AMTN: variants seen among roughly 807,000 people sequenced by gnomAD.
AMTN encodes RSTI689.
In AMTN, 29 loss-of-function variants were observed where a neutral mutation model predicts 27.4. The ratio of observed to expected loss-of-function variants is 1.06; its 90% CI spans 0.79 to 1.44. The LOEUF (loss-of-function observed/expected upper bound fraction) is 1.44, where lower values mean the gene tolerates loss of function less well. Ranked by LOEUF, AMTN falls within the 40% of genes most tolerant of loss-of-function variation. The pLI, the probability that AMTN is intolerant of heterozygous loss-of-function variation, is 0.00. For synonymous variants in AMTN, 86 were observed against 95.7 expected (o/e 0.90, Z 0.59); for missense variants, 247 against 248.8 (o/e 0.99, Z 0.05).
At chr4:70,524,722 T>C in intron 4 of AMTN, 150 bp from the exon 5 acceptor site, 1 of 722,572 alleles carries the variant, frequency 1.4e-6, no homozygotes, top group Non-Finnish European at 2.4e-6. Flanking sequence ...ATTTCATCTT[T>C]GTGTCTAAGT....
intron 2 of AMTN, among the ~76,000 whole-genome samples, chr4:70,522,287 T>A (rs1051267480): frequency 6.6e-6 from 1 of 151,902 alleles, no homozygotes; most frequent in Non-Finnish European, 1.5e-5. Context: ...TAATAAAATA[T>A]CCAGGCCAGG....
rs891098622 is a variant in AMTN, at chr4:70,523,994, A to G, written c.204+61A>G. ...TGAAATAAATATAATGCCTAATATT[A>G]CAGTGGGGGGAGCATGTATATGGGT... On this transcript the variant is annotated intron_variant, in intron 4 of 8. Transcript: ENST00000339336. 1.7e-4 allele frequency: 234 copies of G among 1,394,898 alleles called. 2 individuals are homozygous for G. The South Asian group carries it at 2.2e-3, about 13-fold the overall frequency. 86.4% of individuals were successfully genotyped at this position (1,394,898 alleles called of 1,614,324 possible).
chr4:70,531,087 A>T lies in AMTN; in HGVS notation c.406A>T (p.Ile136Phe). The T allele has an allele frequency of 7.4e-6, 12 of 1,614,104 alleles. No individual in the cohort carries two copies. Among genetic ancestry groups the T allele is most frequent in the Non-Finnish European group, 1.0e-5 (12 of 1,179,998 alleles). The change falls in exon 8 of 9, where the codon ATC (isoleucine) becomes TTC (phenylalanine). Residue 136 changes from isoleucine to phenylalanine, a missense_variant. Physicochemically the swap from Ile to Phe is conservative, Grantham distance 21. Transcript: ENST00000339336. ...LIIHSLFPGG[I>F]LPTSQAGANP... ...CATCCATTCCTTGTTCCCGGGAGGCATCCTGCCCACCAGTCAGGCAGGGGC... is the reference window on the plus strand; with the variant it reads ...CATCCATTCCTTGTTCCCGGGAGGCTTCCTGCCCACCAGTCAGGCAGGGGC...
chr4:70,526,152 G>A (rs1373354693), intron 5 of AMTN, among the ~76,000 whole-genome samples: 1 of 151,890 alleles, frequency 6.6e-6, no homozygotes, highest in Admixed American at 6.6e-5. Context: ...AATTCACTTG[G>A]AATCTCATTA....
At position 70,522,848 on chromosome 4, in the gene AMTN, C is replaced by T. The variant is rs756527265; in HGVS notation, c.138+10C>T. On this transcript the variant is annotated intron_variant, in intron 3 of 8. Transcript: ENST00000339336. ...ACAGCAGTCAAATCAGGTAAGAGTCCTACAATATGGAACATGTACAAACCG... is the reference window on the plus strand; with the variant it reads ...ACAGCAGTCAAATCAGGTAAGAGTCTTACAATATGGAACATGTACAAACCG... The T allele has an allele frequency of 5.0e-6, 8 of 1,612,302 alleles. No individual in the cohort carries two copies. The Admixed American group carries it at 1.2e-4, about 24-fold the overall frequency.
chr4:70,524,735 A>G, intron 4 of AMTN, 137 bp from the exon 5 acceptor site: 1 of 774,692 alleles, frequency 1.3e-6, no homozygotes, highest in Non-Finnish European at 2.2e-6. Flanking sequence ...GTCTAAGTAT[A>G]CATGCAATAG....
At chr4:70,532,382 G>A in intron 8 of AMTN, 73 bp from the exon 9 acceptor site, 1 of 1,242,860 alleles carries the variant, frequency 8.0e-7, no homozygotes, top group South Asian at 1.4e-5. Flanking sequence ...AAGAAACTTG[G>A]ATCTCAAGTA....
rs1056193490 is a variant in AMTN at position 70,532,579 on chromosome 4, T to C, written c.*114T>C. ...ACACATTGGATAGTCTTAGAAGAAATTAATTCTTAATTTACCTGAAAATAT... is the reference window on the plus strand; with the variant it reads ...ACACATTGGATAGTCTTAGAAGAAACTAATTCTTAATTTACCTGAAAATAT... On this transcript the variant is annotated 3_prime_UTR_variant, in exon 9 of 9. Coordinates refer to ENST00000339336, the MANE Select transcript of AMTN (RefSeq NM_212557.4). The C allele has an allele frequency of 1.1e-6, 1 of 926,554 alleles. No homozygotes were observed. Among genetic ancestry groups the C allele is most frequent in the Non-Finnish European group, 1.6e-6 (1 of 615,046 alleles). 57.4% of individuals were successfully genotyped at this position (926,554 alleles called of 1,614,324 possible).
chr4:70,522,872 C>A (rs116013987), intron 3 of AMTN, 34 bp downstream of exon 3: 1 of 1,592,156 alleles, frequency 6.3e-7, no homozygotes, highest in Non-Finnish European at 8.6e-7. Context: ...ATGTACAAAC[C>A]GGTAAAGAAA....
intron 7 of AMTN, 72 bp downstream of exon 7, chr4:70,529,282 T>C: frequency 1.7e-6 from 2 of 1,165,730 alleles, no homozygotes; most frequent in Non-Finnish European, 2.3e-6. Context: ...TCATATAGTC[T>C]CTTTTGACCA....
At chr4:70,528,585 G>C (rs1458797495) in intron 5 of AMTN, 138 bp from the exon 6 acceptor site, 2 of 581,768 alleles carry the variant, frequency 3.4e-6, no homozygotes, top group Admixed American at 6.3e-5. Context: ...AGGAGGCAGA[G>C]GTTGCAGTGA....
At chr4:70,522,903 G>A (rs1397054825) in intron 3 of AMTN, 65 bp downstream of exon 3, 28 of 1,509,000 alleles carry the variant, frequency 1.9e-5, no homozygotes, top group Admixed American at 6.7e-5. Flanking sequence ...TGTACAAACC[G>A]GTAAAGAAAA....
At chr4:70,522,549 C>G (rs1735998772) in intron 2 of AMTN, among the ~76,000 whole-genome samples, 1 of 152,192 alleles carries the variant, frequency 6.6e-6, no homozygotes, top group Non-Finnish European at 1.5e-5. Context: ...CCCCTTCCCT[C>G]CACACCATCC....
chr4:70,518,737 A>G, intron 1 of AMTN, 26 bp from the exon 2 acceptor site: 2 of 1,427,770 alleles, frequency 1.4e-6, no homozygotes, highest in East Asian at 4.5e-5. Flanking sequence ...AATACATGGA[A>G]GAGTAACACT....
chr4:70,526,872 C>A (rs1229449177), intron 5 of AMTN, among the ~76,000 whole-genome samples: 2 of 152,186 alleles, frequency 1.3e-5, no homozygotes, highest in African/African-American at 4.8e-5. Context: ...GTGCTACCAC[C>A]AAGGGTTCCC....
chr4:70,532,146 C>A (rs73826564), intron 8 of AMTN, among the ~76,000 whole-genome samples: 7,524 of 152,248 alleles, frequency 0.049, 589 homozygotes, highest in African/African-American at 0.16. Flanking sequence ...TACTGTAATA[C>A]TGCAAGCAGC....
chr4:70,521,566 T>C (rs1336329991), intron 2 of AMTN, among the ~76,000 whole-genome samples: 3 of 147,626 alleles, frequency 2.0e-5, no homozygotes, highest in Non-Finnish European at 4.5e-5. Flanking sequence ...TATATATATG[T>C]ATTTTATGTA....
intron 5 of AMTN, among the ~76,000 whole-genome samples, chr4:70,527,029 A>G (rs915123449): frequency 6.6e-6 from 1 of 150,468 alleles, no homozygotes; most frequent in African/African-American, 2.5e-5. Flanking sequence ...GAACTCTAGA[A>G]CCACACAATT....
intron 4 of AMTN, 58 bp downstream of exon 4, chr4:70,523,991 A>C (rs1426826444): frequency 7.0e-7 from 1 of 1,424,824 alleles, no homozygotes; most frequent in East Asian, 2.3e-5. Flanking sequence ...AATGCCTAAT[A>C]TTACAGTGGG....
Sources: gnomAD v4.1 joint callset for allele counts (sites outside exome capture counted in the v4.1 genomes callset) on GRCh38, gnomAD v4.1.1 for gene constraint, MANE v1.5 for transcripts, NCBI Gene and HGNC (gene_info 2026-07-23, HGNC 2026-07-21) for gene names.